Variants in NUP214 observed in about 807,000 individuals in gnomAD.
NUP214 encodes the protein nuclear pore complex protein Nup214.
NUP214 carries 79 observed loss-of-function variants against 196.2 expected under a neutral mutation model. The observed-to-expected ratio is 0.40, with a 90% confidence interval of 0.34 to 0.49. The LOEUF (loss-of-function observed/expected upper bound fraction) is 0.49, where lower values mean the gene tolerates loss of function less well. Ranked by LOEUF, NUP214 falls within the 20% of genes least tolerant of loss-of-function variation. The pLI is 0.58. For missense variants in NUP214, 2,468 were observed against 2,539.0 expected, an observed-to-expected ratio of 0.97 and a Z score of 0.60; for synonymous variants, 1,020 against 990.5, an observed-to-expected ratio of 1.03 and a Z score of -0.56.
chr9:131,126,055 A>G (rs1831337506), intron 1 of NUP214: 1 of 415,534 alleles, frequency 2.4e-6, no homozygotes, highest in Admixed American at 4.6e-5. Context: ...TGTGGTAGTC[A>G]TCGCGGCAGC....
At chr9:131,184,990 TG>T (rs1833413339) in intron 24 of NUP214, among the ~76,000 whole-genome samples, 4 of 152,212 alleles carry the variant, frequency 2.6e-5, no homozygotes, top group African/African-American at 9.7e-5. Context: ...AAAAGATACA[TG>T]TGATAGTGAT....
intron 21 of NUP214, 143 bp downstream of exon 21, chr9:131,164,287 A>G: frequency 1.5e-6 from 1 of 666,582 alleles, no homozygotes; most frequent in Non-Finnish European, 2.6e-6. Flanking sequence ...GGTTCTTAAT[A>G]GGGGATAGAG....
At chr9:131,130,741 A>C in intron 4 of NUP214, 25 bp from the exon 5 acceptor site, 4 of 1,610,226 alleles carry the variant, frequency 2.5e-6, no homozygotes, top group Non-Finnish European at 3.4e-6. Flanking sequence ...TCTTGTTTTC[A>C]TTTGGTAATA....
intron 22 of NUP214, 114 bp downstream of exon 22, chr9:131,174,432 C>CT (rs371376407): frequency 0.2 from 71,277 of 364,598 alleles, 27 homozygotes; most frequent in Middle Eastern, 0.26. Flanking sequence ...CTCCAGCCCA[C>CT]TTTTTTTTTT....
At chr9:131,134,755 G>A (rs940144883) in intron 7 of NUP214, 143 bp from the exon 8 acceptor site, 2 of 629,734 alleles carry the variant, frequency 3.2e-6, no homozygotes, top group African/African-American at 3.7e-5. Context: ...ACTAAGTGCT[G>A]CCTTTATACC....
intron 22 of NUP214, 40 bp downstream of exon 22, chr9:131,174,358 A>G (rs1588146602): frequency 6.5e-7 from 1 of 1,547,940 alleles, no homozygotes; most frequent in Middle Eastern, 1.8e-4. Context: ...TTTCCCTATG[A>G]TGTTTCTAAC....
intron 18 of NUP214, among the ~76,000 whole-genome samples, chr9:131,160,181 A>T (rs1832587960): frequency 6.6e-6 from 1 of 152,140 alleles, no homozygotes; most frequent in South Asian, 2.1e-4. Context: ...TGAATATATA[A>T]CTATTTCGCT....
Position 131,163,933 on chromosome 9 carries a change from C to A in NUP214, c.2787C>A (p.Thr929=). The part of the protein sequence containing the change: ...ALLKTTIESH[T]KSLPKVPAKL... ...TGAAAACCACCATAGAATCTCACAC[C>A]AAATCCTTGCCCAAAGTACCAGGTA... is the stretch of plus-strand genomic sequence containing the variant. Residue 929 remains threonine (T), a synonymous_variant, in exon 20 of 36, where the codon ACC becomes ACA. Transcript: ENST00000359428. The A allele has an allele frequency of 1.2e-6, 2 of 1,614,112 alleles. No individual in the cohort carries two copies. Among genetic ancestry groups the A allele is most frequent in the Non-Finnish European group, 1.7e-6 (2 of 1,179,984 alleles).
intron 31 of NUP214, among the ~76,000 whole-genome samples, chr9:131,221,311 T>C (rs1295450444): frequency 2.0e-5 from 3 of 152,186 alleles, no homozygotes; most frequent in Admixed American, 6.5e-5. Context: ...AGCCAGGCTC[T>C]CAAATTGTCA....
At chr9:131,178,703 ATTT>A (rs11454350) in intron 24 of NUP214, among the ~76,000 whole-genome samples, 2 of 141,238 alleles carry the variant, frequency 1.4e-5, no homozygotes, top group Admixed American at 7.0e-5. Context: ...GTGCAGGTTG[ATTT>A]TTTTTTTTTT....
At chr9:131,200,472 G>A (rs1301843324) in intron 29 of NUP214, among the ~76,000 whole-genome samples, 1 of 152,226 alleles carries the variant, frequency 6.6e-6, no homozygotes, top group Non-Finnish European at 1.5e-5. Flanking sequence ...CACTTTGGGA[G>A]GCTGAGGCAG....
chr9:131,215,094 A>G, intron 30 of NUP214, 118 bp from the exon 31 acceptor site: 1 of 877,876 alleles, frequency 1.1e-6, no homozygotes, highest in Non-Finnish European at 1.7e-6. Context: ...TTTGTACCAG[A>G]ACTAATCTTG....
chr9:131,178,065 C>A (rs1490127349), intron 23 of NUP214, among the ~76,000 whole-genome samples: 2 of 152,284 alleles, frequency 1.3e-5, no homozygotes, highest in South Asian at 2.1e-4. Flanking sequence ...CCAGAGAATT[C>A]TTTTCCCCTA....
rs537330901 is a variant in NUP214 at position 131,223,836 on chromosome 9, G to A, written c.5902+906G>A. The stretch of plus-strand genomic sequence containing the variant: ...TGCAAGCTCTGCCTCCTGGGTTCAC[G>A]CCATTCTCCTGCGTCAGCCTCCCAA... On this transcript the variant is annotated intron_variant, in intron 32 of 35. Coordinates refer to ENST00000359428, the MANE Select transcript of NUP214 (RefSeq NM_005085.4). Among the ~76,000 whole-genome samples the A allele has an allele frequency of 2.3e-3, 337 of 146,662 alleles. 4 individuals are homozygous for A. The highest frequency in any genetic ancestry group is 8.2e-3 in the African/African-American group (323 of 39,616).
chr9:131,161,891 A>G (rs1322828324), intron 18 of NUP214, among the ~76,000 whole-genome samples: 1 of 152,194 alleles, frequency 6.6e-6, no homozygotes, highest in Non-Finnish European at 1.5e-5. Context: ...CTCCTAGACC[A>G]CAGTACCATA....
intron 7 of NUP214, 34 bp from the exon 8 acceptor site, chr9:131,134,864 A>G: frequency 2.1e-6 from 3 of 1,438,054 alleles, no homozygotes; most frequent in East Asian, 2.3e-5. Context: ...AAAATTGCAC[A>G]TGAGAATTTT....
chr9:131,221,887 G>A (rs548154039), intron 31 of NUP214, among the ~76,000 whole-genome samples: 1 of 151,550 alleles, frequency 6.6e-6, no homozygotes, highest in South Asian at 2.1e-4. Context: ...CATATCCTGT[G>A]CTATATTATC....
At chr9:131,188,260 A>G (rs1030967269) in intron 25 of NUP214, among the ~76,000 whole-genome samples, 31 of 152,262 alleles carry the variant, frequency 2.0e-4, no homozygotes, top group Non-Finnish European at 4.4e-4. Flanking sequence ...TAGCTTGTCT[A>G]GCTTCAGGCT....
In NUP214 at chr9:131,234,335, C is replaced by CA; in HGVS notation, c.*849dup. On this transcript the variant is annotated 3_prime_UTR_variant, in exon 36 of 36. Coordinates refer to ENST00000359428, the MANE Select transcript of NUP214 (RefSeq NM_005085.4). ...GTGTGAAGACAGACACTGCTGTTGC[C>CA]AGACAACACTAGCAGAACGATGCTG... 4.3e-6 allele frequency: 1 copy of CA among 232,988 alleles called. No homozygotes were observed. The highest frequency in any genetic ancestry group is 6.0e-5 in the East Asian group (1 of 16,544). 14.4% of individuals were successfully genotyped at this position (232,988 alleles called of 1,614,324 possible).
Sources: allele counts gnomAD v4.1 joint callset (sites outside exome capture counted in the v4.1 genomes callset), GRCh38; gene constraint gnomAD v4.1.1; transcripts MANE v1.5; gene names NCBI Gene and HGNC (gene_info 2026-07-23, HGNC 2026-07-21).